Variants in FHIT observed in about 807,000 individuals in gnomAD.
FHIT encodes the protein bis(5'-adenosyl)-triphosphatase.
A neutral mutation model predicts 17.9 loss-of-function variants in FHIT; 19 were observed. The observed-to-expected ratio is 1.06, with a 90% CI of 0.74 to 1.56. The LOEUF (loss-of-function observed/expected upper bound fraction) is 1.56, where lower values mean the gene tolerates loss of function less well. FHIT is among the 40% of genes most tolerant of loss of function. The probability of loss-of-function intolerance (pLI) is 0.00; values close to 1 mark genes in which losing one functional copy is unlikely to be tolerated. For missense variants in FHIT, 248 were observed against 189.2 expected (o/e 1.31, Z -1.82); for synonymous variants, 81 against 69.7 (o/e 1.16, Z -0.81).
intron 3 of FHIT, among the ~76,000 whole-genome samples, chr3:60,822,436 C>A (rs1024508324): frequency 3.3e-5 from 5 of 152,120 alleles, no homozygotes; most frequent in Admixed American, 6.6e-5. Context: ...TGCCAAGTCA[C>A]CTGTCTGAAG....
chr3:60,097,675 C>A (rs1344758511), intron 5 of FHIT, among the ~76,000 whole-genome samples: 1 of 151,484 alleles, frequency 6.6e-6, no homozygotes, highest in Non-Finnish European at 1.5e-5. Flanking sequence ...TTTTTTTAAT[C>A]TTTTCTTAAT....
intron 7 of FHIT, among the ~76,000 whole-genome samples, chr3:59,976,195 C>G (rs1247171819): frequency 6.6e-6 from 1 of 152,038 alleles, no homozygotes; most frequent in African/African-American, 2.4e-5. Flanking sequence ...TTTCAATAAT[C>G]ACATAAACAG....
intron 4 of FHIT, among the ~76,000 whole-genome samples, chr3:60,568,033 G>C (rs1170905009): frequency 6.6e-6 from 1 of 152,178 alleles, no homozygotes; most frequent in Non-Finnish European, 1.5e-5. Flanking sequence ...TTCAACCATT[G>C]TGGAAGTCAG....
intron 5 of FHIT, among the ~76,000 whole-genome samples, chr3:60,201,745 A>G (rs1048540198): frequency 4.6e-5 from 7 of 152,122 alleles, no homozygotes; most frequent in Non-Finnish European, 8.8e-5. Flanking sequence ...CAATACTAAT[A>G]AATAGCTGAG....
chr3:60,085,918 G>C (rs11918446), intron 5 of FHIT, among the ~76,000 whole-genome samples: 33,766 of 152,078 alleles, frequency 0.22, 3,848 homozygotes, highest in South Asian at 0.24. Flanking sequence ...TGCAATTAGG[G>C]ATATGATCAG....
chr3:60,745,533 T>C (rs2042338637), intron 4 of FHIT, among the ~76,000 whole-genome samples: 1 of 152,108 alleles, frequency 6.6e-6, no homozygotes, highest in Admixed American at 6.5e-5. Flanking sequence ...GTGATCAGAT[T>C]TACGCTTTGA....
intron 5 of FHIT, among the ~76,000 whole-genome samples, chr3:60,081,241 A>G (rs772978131): frequency 7.2e-5 from 11 of 152,106 alleles, no homozygotes; most frequent in Non-Finnish European, 1.0e-4. Flanking sequence ...CTGGGACTCT[A>G]AGATTTGCAT....
At chr3:59,942,618 C>G (rs1706579978) in intron 7 of FHIT, among the ~76,000 whole-genome samples, 1 of 152,096 alleles carries the variant, frequency 6.6e-6, no homozygotes, top group Non-Finnish European at 1.5e-5. Context: ...TCCCCTCTCC[C>G]ATACTTAGCT....
intron 4 of FHIT, among the ~76,000 whole-genome samples, chr3:60,688,450 A>C (rs1478011942): frequency 7.9e-6 from 1 of 125,862 alleles, no homozygotes; most frequent in Non-Finnish European, 1.7e-5. Flanking sequence ...TTTTTTTTTT[A>C]GACAGAGTTT....
intron 5 of FHIT, among the ~76,000 whole-genome samples, chr3:60,314,406 C>T (rs1373600101): frequency 2.0e-5 from 3 of 152,054 alleles, no homozygotes; most frequent in African/African-American, 7.2e-5. Flanking sequence ...TCTAAGTTCA[C>T]CCGAGCCTGG....
chr3:60,327,244 G>A (rs1361966293), intron 5 of FHIT, among the ~76,000 whole-genome samples: 1 of 152,154 alleles, frequency 6.6e-6, no homozygotes, highest in East Asian at 1.9e-4. Context: ...AAGTTGTTTT[G>A]TTCACTGCTG....
intron 8 of FHIT, among the ~76,000 whole-genome samples, chr3:59,851,355 A>C (rs553586080): frequency 4.6e-5 from 7 of 152,240 alleles, no homozygotes; most frequent in Admixed American, 4.6e-4. Context: ...AGCATTTCTT[A>C]TGTGCCAGAC....
At chr3:60,885,363 A>G (rs573861406) in intron 3 of FHIT, among the ~76,000 whole-genome samples, 7 of 152,316 alleles carry the variant, frequency 4.6e-5, no homozygotes, top group African/African-American at 1.4e-4. Flanking sequence ...AGTTTAAAAT[A>G]TATCTTTAAT....
intron 8 of FHIT, among the ~76,000 whole-genome samples, chr3:59,893,756 T>C (rs78105005): frequency 0.011 from 1,682 of 152,344 alleles, 38 homozygotes; most frequent in African/African-American, 0.037. Context: ...TATTAACTCC[T>C]ATGCGTCCAC....
chr3:60,186,971 G>A (rs1018446963), intron 5 of FHIT, among the ~76,000 whole-genome samples: 17 of 152,008 alleles, frequency 1.1e-4, no homozygotes, highest in Non-Finnish European at 2.4e-4. Flanking sequence ...TGATTATTTT[G>A]TATTTTACCA....
chr3:60,932,748 G>C (rs1474282330), intron 3 of FHIT, among the ~76,000 whole-genome samples: 1 of 152,032 alleles, frequency 6.6e-6, no homozygotes, highest in Non-Finnish European at 1.5e-5. Context: ...TCAATCTTCT[G>C]TTCATTAAAC....
chr3:60,019,880 C>G (rs1700489230), intron 5 of FHIT, among the ~76,000 whole-genome samples: 1 of 152,242 alleles, frequency 6.6e-6, no homozygotes, highest in Non-Finnish European at 1.5e-5. Context: ...TTCTGTTACA[C>G]TGAGATGGCA....
At chr3:60,196,942 C>T (rs1189786214) in intron 5 of FHIT, among the ~76,000 whole-genome samples, 1 of 152,034 alleles carries the variant, frequency 6.6e-6, no homozygotes, top group East Asian at 1.9e-4. Flanking sequence ...TAAGTACATA[C>T]AGCCATGCAG....
At chr3:60,945,836 T>C (rs1206426198) in intron 3 of FHIT, among the ~76,000 whole-genome samples, 1 of 152,096 alleles carries the variant, frequency 6.6e-6, no homozygotes, top group Admixed American at 6.5e-5. Context: ...GGGATGGCCA[T>C]TGGAGAGTTG....
Sources: allele counts gnomAD v4.1 joint callset (sites outside exome capture counted in the v4.1 genomes callset), GRCh38; gene constraint gnomAD v4.1.1; transcripts MANE v1.5; gene names NCBI Gene and HGNC (gene_info 2026-07-23, HGNC 2026-07-21).